Variants in CHN1 observed in about 807,000 individuals in gnomAD.
CHN1 encodes N-chimaerin.
A neutral mutation model predicts 59.5 loss-of-function variants in CHN1; 37 were observed. That is an observed-to-expected ratio of 0.62 (90% CI 0.48 to 0.82). The LOEUF (loss-of-function observed/expected upper bound fraction) is 0.82. Among genes scored for constraint, CHN1 ranks in the 40% least tolerant of loss-of-function variants. The probability of loss-of-function intolerance (pLI) is 0.00; values close to 1 mark genes in which losing one functional copy is unlikely to be tolerated. For missense variants in CHN1, 469 were observed against 571.0 expected (o/e 0.82, Z 1.82); for synonymous variants, 206 against 200.4 (o/e 1.03, Z -0.24).
At chr2:174,920,355 G>A (rs1012623609) in intron 3 of CHN1, among the ~76,000 whole-genome samples, 1 of 152,142 alleles carries the variant, frequency 6.6e-6, no homozygotes, top group Non-Finnish European at 1.5e-5. Flanking sequence ...CAACTAGTGA[G>A]ATTGCAGAAT....
intron 1 of CHN1, among the ~76,000 whole-genome samples, chr2:174,972,511 A>C (rs1413814287): frequency 6.6e-6 from 1 of 152,220 alleles, no homozygotes; most frequent in Admixed American, 6.5e-5. Flanking sequence ...TAGTCTATGA[A>C]TCACTTTGTT....
chr2:174,819,502 T>A (rs1381843870), intron 8 of CHN1, among the ~76,000 whole-genome samples: 1 of 152,210 alleles, frequency 6.6e-6, no homozygotes. Flanking sequence ...AATTCAGGAA[T>A]GCTGCTGGAA....
Position 174,828,659 on chromosome 2 carries a change from T to C in CHN1, c.628-4141A>G, listed in dbSNP as rs146354670. ...TGTTTTAAAAATGATGAAATCTGAA[T>C]ACAATGAACATTCAAAATATAATTA... is the stretch of plus-strand genomic sequence containing the variant. On this transcript the variant is annotated intron_variant, in intron 7 of 12. Transcript: ENST00000409900. Among the ~76,000 whole-genome samples the C allele has an allele frequency of 3.8e-3, 575 of 152,302 alleles. 5 individuals carry two copies. The highest frequency in any genetic ancestry group is 0.013 in the African/African-American group (541 of 41,568).
intron 2 of CHN1, among the ~76,000 whole-genome samples, chr2:174,950,581 T>C (rs1215025202): frequency 6.6e-6 from 1 of 151,956 alleles, no homozygotes; most frequent in Non-Finnish European, 1.5e-5. Flanking sequence ...CTGCAAGACA[T>C]GCGAGATATG....
intron 6 of CHN1, among the ~76,000 whole-genome samples, chr2:174,851,732 T>C (rs1009795842): frequency 6.6e-6 from 1 of 152,038 alleles, no homozygotes; most frequent in Non-Finnish European, 1.5e-5. Context: ...ATAAAAACGG[T>C]AAGGAGGAAG....
chr2:174,955,192 A>ATC (rs1263351222), intron 1 of CHN1, among the ~76,000 whole-genome samples: 6 of 101,896 alleles, frequency 5.9e-5, no homozygotes, highest in Admixed American at 1.1e-4. Context: ...ATCTATATAT[A>ATC]TATATATAAT....
chr2:174,886,097 A>G (rs939667258), intron 5 of CHN1, among the ~76,000 whole-genome samples: 1 of 152,242 alleles, frequency 6.6e-6, no homozygotes, highest in Non-Finnish European at 1.5e-5. Context: ...CTACAAAAGC[A>G]CAGAGTAAAA....
chr2:174,819,801 C>T (rs1484475769), intron 8 of CHN1, among the ~76,000 whole-genome samples: 30 of 139,364 alleles, frequency 2.2e-4, no homozygotes, highest in Non-Finnish European at 3.7e-4. Context: ...TCTCCTAATG[C>T]TATCCCTCCC....
intron 6 of CHN1, among the ~76,000 whole-genome samples, chr2:174,853,142 T>C (rs563817048): frequency 5.3e-5 from 8 of 151,912 alleles, no homozygotes; most frequent in Non-Finnish European, 8.8e-5. Context: ...AAACTATCAA[T>C]AGAGTAAGCA....
At chr2:174,804,664 A>G (rs965749973) in intron 11 of CHN1, among the ~76,000 whole-genome samples, 1 of 152,214 alleles carries the variant, frequency 6.6e-6, no homozygotes, top group African/African-American at 2.4e-5. Flanking sequence ...CTGATGAAGG[A>G]TGCATGAGAA....
chr2:174,989,099 C>A (rs955300404), intron 1 of CHN1, among the ~76,000 whole-genome samples: 1 of 152,140 alleles, frequency 6.6e-6, no homozygotes, highest in Non-Finnish European at 1.5e-5. Flanking sequence ...TAAACAAGGC[C>A]AGGCATGGTG....
chr2:175,004,704 G>T (rs1318031584), intron 1 of CHN1, among the ~76,000 whole-genome samples, 190 bp downstream of exon 1: 1 of 151,856 alleles, frequency 6.6e-6, no homozygotes, highest in South Asian at 2.1e-4. Flanking sequence ...CGGCCCTGCC[G>T]GGAGAGGAAA....
intron 3 of CHN1, among the ~76,000 whole-genome samples, chr2:174,928,475 T>C (rs901096508): frequency 6.6e-6 from 1 of 152,166 alleles, no homozygotes; most frequent in Non-Finnish European, 1.5e-5. Flanking sequence ...TAAGCATTAA[T>C]CAATGAGGGG....
At chr2:174,952,387 A>G (rs1316337561) in intron 1 of CHN1, among the ~76,000 whole-genome samples, 185 bp from the exon 2 acceptor site, 1 of 152,154 alleles carries the variant, frequency 6.6e-6, no homozygotes, top group African/African-American at 2.4e-5. Flanking sequence ...GTAATTTTAC[A>G]AAGATGTTTA....
At chr2:174,927,499 T>C (rs981135889) in intron 3 of CHN1, among the ~76,000 whole-genome samples, 2 of 152,236 alleles carry the variant, frequency 1.3e-5, no homozygotes, top group African/African-American at 2.4e-5. Context: ...CACAGGAAAT[T>C]TGAAAACACT....
At chr2:174,847,317 A>G in intron 6 of CHN1, 1 of 1,320,202 alleles carries the variant, frequency 7.6e-7, no homozygotes, top group East Asian at 2.8e-5. Flanking sequence ...ACTAACCAGC[A>G]AATTCTTCTT....
chr2:174,868,397 A>G (rs1274506390), intron 6 of CHN1, among the ~76,000 whole-genome samples: 1 of 152,102 alleles, frequency 6.6e-6, no homozygotes, highest in Non-Finnish European at 1.5e-5. Flanking sequence ...TGGCCAATAA[A>G]CCATGCAGAG....
At chr2:174,824,768 A>C (rs1190267490) in intron 7 of CHN1, among the ~76,000 whole-genome samples, 2 of 152,006 alleles carry the variant, frequency 1.3e-5, no homozygotes, top group Non-Finnish European at 2.9e-5. Flanking sequence ...ACACGACCAC[A>C]CCCAGATAAT....
chr2:174,900,436 C>T (rs942255243), intron 5 of CHN1, among the ~76,000 whole-genome samples: 2 of 151,740 alleles, frequency 1.3e-5, no homozygotes, highest in African/African-American at 4.8e-5. Context: ...CTGAGGAGTT[C>T]CAGGCTACAG....
Sources: allele counts gnomAD v4.1 joint callset (sites outside exome capture counted in the v4.1 genomes callset), GRCh38; gene constraint gnomAD v4.1.1; transcripts MANE v1.5; gene names NCBI Gene and HGNC (gene_info 2026-07-23, HGNC 2026-07-21).